SMARCB1: variants seen among roughly 807,000 people sequenced by gnomAD.
SMARCB1 encodes the protein SWI/SNF-related matrix-associated actin-dependent regulator of chromatin subfamily B member 1.
A neutral mutation model predicts 49.0 loss-of-function variants in SMARCB1; 5 were observed. That is an observed-to-expected ratio of 0.10 (90% CI 0.05 to 0.21). The LOEUF (loss-of-function observed/expected upper bound fraction) is 0.21, where lower values mean the gene tolerates loss of function less well. Ranked by LOEUF, SMARCB1 falls within the 10% of genes least tolerant of loss-of-function variation. The pLI is 1.00. For synonymous variants in SMARCB1, 201 were observed against 200.1 expected (o/e 1.00, Z -0.04); for missense variants, 226 against 509.2 (o/e 0.44, Z 5.35).
chr22:23,827,693 G>T (rs185340077), intron 7 of SMARCB1, among the ~76,000 whole-genome samples: 145 of 152,282 alleles, frequency 9.5e-4, no homozygotes, highest in African/African-American at 2.7e-3. Context: ...GGCCTGCCTG[G>T]GGAACTGGGA....
chr22:23,799,157 T>C (rs1295907053), intron 3 of SMARCB1, among the ~76,000 whole-genome samples: 1 of 152,086 alleles, frequency 6.6e-6, no homozygotes, highest in Non-Finnish European at 1.5e-5. Context: ...TGACACACAG[T>C]CGCTGCCTGC....
chr22:23,828,326 C>T (rs936736825), intron 7 of SMARCB1, among the ~76,000 whole-genome samples: 5 of 148,852 alleles, frequency 3.4e-5, no homozygotes, highest in Admixed American at 1.3e-4. Context: ...GCTGGGATTA[C>T]AGGCGTGAGC....
Position 23,803,676 on chromosome 22 carries a change from C to A in SMARCB1, c.628+254C>A, listed in dbSNP as rs543471127. ...GGCCCAAGAGGCCTGGCATGGGAGG[C>A]GGCTGATCTGCATAGCATGGATGAT... On this transcript the variant is annotated intron_variant, in intron 5 of 8. Coordinates refer to ENST00000644036, the MANE Select transcript of SMARCB1 (RefSeq NM_003073.5). The A allele has an allele frequency of 3.2e-4, 187 of 579,610 alleles. 2 individuals are homozygous for A. In the East Asian group the frequency reaches 5.7e-3, roughly 18 times the overall value. The allele number at this position is 579,610 out of a possible 1,614,324, so 35.9% of individuals were successfully genotyped here.
At chr22:23,805,871 GCT>G (rs1929463090) in intron 5 of SMARCB1, among the ~76,000 whole-genome samples, 1 of 152,190 alleles carries the variant, frequency 6.6e-6, no homozygotes, top group African/African-American at 2.4e-5. Context: ...ATCAGTCCAT[GCT>G]CTGTCTCGTT....
At chr22:23,819,118 C>T (rs1294118092) in intron 6 of SMARCB1, among the ~76,000 whole-genome samples, 2 of 152,202 alleles carry the variant, frequency 1.3e-5, no homozygotes, top group Admixed American at 1.3e-4. Flanking sequence ...TCCCAAAGTG[C>T]TGGGATTACA....
chr22:23,805,566 C>T (rs966281935), intron 5 of SMARCB1, among the ~76,000 whole-genome samples: 12 of 152,116 alleles, frequency 7.9e-5, no homozygotes, highest in African/African-American at 2.4e-4. Context: ...TGTGCAATGG[C>T]GTGATCTCAG....
Position 23,803,455 on chromosome 22 carries a change from C to T in SMARCB1, c.628+33C>T, listed in dbSNP as rs778099096. 5 of 1,613,078 alleles carry T rather than the reference C, an allele frequency of 3.1e-6. 1 individual carries two copies. In the South Asian group the frequency reaches 5.5e-5, roughly 18 times the overall value. ...GCAGTCGGGCTTGGCTGGGCCTGGC[C>T]CCAACCCCTGTGTGTTACGTGGGAA... On this transcript the variant is annotated intron_variant, in intron 5 of 8. Coordinates refer to ENST00000644036, the MANE Select transcript of SMARCB1 (RefSeq NM_003073.5).
Position 23,834,899 on chromosome 22 carries a change from A to C in SMARCB1, c.*719A>C. ...TCTGCTGTGTCCAGATGGTCAGGCT[A>C]CTGCCAGCTGGGGCCTTGCTGCTCT... On this transcript the variant is annotated 3_prime_UTR_variant, in exon 9 of 9. Coordinates refer to ENST00000644036, the MANE Select transcript of SMARCB1 (RefSeq NM_003073.5). 6.2e-7 allele frequency: 1 copy of C among 1,611,848 alleles called. No homozygotes were observed. The highest frequency in any genetic ancestry group is 8.5e-7 in the Non-Finnish European group (1 of 1,179,626).
chr22:23,837,390 A>G lies in SMARCB1; in HGVS notation c.*3210A>G. The G allele has an allele frequency of 1.5e-6, 1 of 653,670 alleles. No homozygotes were observed. Among genetic ancestry groups the G allele is most frequent in the Non-Finnish European group, 2.6e-6 (1 of 385,058 alleles). The allele number at this position is 653,670 out of a possible 1,614,324, so 40.5% of individuals were successfully genotyped here. On this transcript the variant is annotated 3_prime_UTR_variant, in exon 9 of 9. Transcript: ENST00000644036. ...GGCCTGAGAATAGTGGAGGAGTGGGAGCCATGGGGCAGGAACCCTGACCCT... is the reference window on the plus strand; with the variant it reads ...GGCCTGAGAATAGTGGAGGAGTGGGGGCCATGGGGCAGGAACCCTGACCCT...
chr22:23,806,149 C>A (rs1929480508), intron 5 of SMARCB1, among the ~76,000 whole-genome samples: 1 of 152,176 alleles, frequency 6.6e-6, no homozygotes, highest in Non-Finnish European at 1.5e-5. Flanking sequence ...ACGTGAAAAT[C>A]ATTTGCATAC....
intron 3 of SMARCB1, among the ~76,000 whole-genome samples, chr22:23,798,092 G>A (rs917923389): frequency 1.3e-5 from 2 of 150,184 alleles, no homozygotes; most frequent in African/African-American, 4.8e-5. Flanking sequence ...GCTCAGCCCA[G>A]GCTCTAACGT....
At chr22:23,820,402 C>T (rs561448876) in intron 6 of SMARCB1, among the ~76,000 whole-genome samples, 7 of 152,124 alleles carry the variant, frequency 4.6e-5, no homozygotes, top group South Asian at 4.1e-4. Flanking sequence ...GGTGAAACCC[C>T]GTCTCTACTA....
chr22:23,837,260 C>T lies in SMARCB1; in HGVS notation c.*3080C>T, dbSNP rs1290230687. On this transcript the variant is annotated 3_prime_UTR_variant, in exon 9 of 9. Transcript: ENST00000644036. ...CCACAGCCTGGTGGCCCTGCAGGCCCCACAGCATGAGTGCCCCAAAGCCTT... is the reference window on the plus strand; with the variant it reads ...CCACAGCCTGGTGGCCCTGCAGGCCTCACAGCATGAGTGCCCCAAAGCCTT... The T allele has an allele frequency of 7.1e-7, 1 of 1,400,436 alleles. No individual in the cohort carries two copies. The highest frequency in any genetic ancestry group is 9.8e-7 in the Non-Finnish European group (1 of 1,020,460). The allele number at this position is 1,400,436 out of a possible 1,614,324, so 86.8% of individuals were successfully genotyped here.
At chr22:23,799,011 C>G (rs1002556113) in intron 3 of SMARCB1, among the ~76,000 whole-genome samples, 1 of 148,902 alleles carries the variant, frequency 6.7e-6, no homozygotes, top group Non-Finnish European at 1.5e-5. Context: ...GATGGCGCCA[C>G]TGTACTCCAG....
chr22:23,816,732 T>C, intron 5 of SMARCB1, 38 bp from the exon 6 acceptor site: 1 of 1,592,728 alleles, frequency 6.3e-7, no homozygotes, highest in Non-Finnish European at 8.6e-7. Flanking sequence ...CCAAGCATGG[T>C]GCAATCTCTT....
chr22:23,825,058 T>G, intron 6 of SMARCB1, 167 bp from the exon 7 acceptor site: 1 of 658,752 alleles, frequency 1.5e-6, no homozygotes, highest in Non-Finnish European at 2.7e-6. Context: ...GGTTGTGGGG[T>G]CAGCCTTGTT....
intron 7 of SMARCB1, among the ~76,000 whole-genome samples, chr22:23,828,929 G>A (rs1235975987): frequency 6.6e-6 from 1 of 152,232 alleles, no homozygotes; most frequent in African/African-American, 2.4e-5. Context: ...AGACAAGCAT[G>A]AAGGGGAAAC....
At position 23,787,000 on chromosome 22, in the gene SMARCB1, C is replaced by T; in HGVS notation, c.-170C>T. ...TGCGCACTGAGGGCGGCCTGGTCGT[C>T]GTCTGCGGCGGCGGCGGCGGCTGAG... On this transcript the variant is annotated 5_prime_UTR_variant, in exon 1 of 9. Transcript: ENST00000644036. 1 of 503,318 alleles carries T rather than the reference C, an allele frequency of 2.0e-6. No homozygotes were observed. Among genetic ancestry groups the T allele is most frequent in the East Asian group, 3.5e-5 (1 of 28,202 alleles). The allele number at this position is 503,318 out of a possible 1,614,324, so 31.2% of individuals were successfully genotyped here.
intron 5 of SMARCB1, chr22:23,815,386 T>G (rs1277452725): frequency 6.6e-6 from 1 of 152,074 alleles, no homozygotes; most frequent in Non-Finnish European, 1.5e-5. Context: ...TACAAAAAAT[T>G]AGCTGGGCGT....
Sources: gnomAD v4.1 joint callset for allele counts (sites outside exome capture counted in the v4.1 genomes callset) on GRCh38, gnomAD v4.1.1 for gene constraint, MANE v1.5 for transcripts, NCBI Gene and HGNC (gene_info 2026-07-23, HGNC 2026-07-21) for gene names.